EXOC6: variants seen among roughly 807,000 people sequenced by gnomAD.
EXOC6 encodes the protein exocyst complex component 6.
Under a neutral mutation model 112.5 loss-of-function variants are expected in EXOC6, and 60 were observed. The ratio of observed to expected loss-of-function variants is 0.53; its 90% confidence interval spans 0.43 to 0.66. EXOC6 has a LOEUF of 0.66. Ranked by LOEUF, EXOC6 falls within the 30% of genes least tolerant of loss-of-function variation. The probability of loss-of-function intolerance (pLI) is 0.00; values close to 1 mark genes in which losing one functional copy is unlikely to be tolerated. For missense variants in EXOC6, 855 were observed against 957.1 expected, an observed-to-expected ratio of 0.89 and a Z score of 1.41; for synonymous variants, 295 against 308.0, an observed-to-expected ratio of 0.96 and a Z score of 0.44.
At chr10:92,837,982 C>T (rs1349786853) in intron 1 of EXOC6, among the ~76,000 whole-genome samples, 1 of 152,282 alleles carries the variant, frequency 6.6e-6, no homozygotes, top group East Asian at 1.9e-4. Flanking sequence ...TTTCCCTGCC[C>T]ACCTTGTTTT....
intron 20 of EXOC6, among the ~76,000 whole-genome samples, chr10:93,021,289 G>T (rs1206064571): frequency 1.3e-5 from 2 of 151,984 alleles, no homozygotes; most frequent in Non-Finnish European, 2.9e-5. Context: ...AGACCAGTCT[G>T]GGCAACATAG....
At position 92,954,670 on chromosome 10, in the gene EXOC6, C is replaced by G. The variant is rs11187225; in HGVS notation, c.1567C>G (p.Leu523Val). The G allele has an allele frequency of 0.1, 161,252 of 1,602,416 alleles. 9,139 individuals are homozygous for G. The highest frequency in any genetic ancestry group is 0.21 in the Admixed American group (12,535 of 59,252). ...IDDMLRKSTN[L>V]LLTRTLSSCL... ...CGATATGCTTAGAAAATCAACAAATCTGCTGCTGACCAGAACTTTGAGTAG... is the reference window on the plus strand; with the variant it reads ...CGATATGCTTAGAAAATCAACAAATGTGCTGCTGACCAGAACTTTGAGTAG... The change falls in exon 16 of 22, where the codon CTG becomes GTG. Residue 523 changes from leucine (L) to valine (V), a missense_variant. This residue lies in a region of EXOC6 where 450 missense variants were observed against 563.5 expected (regional missense o/e 0.80). Coordinates refer to ENST00000260762, the MANE Select transcript of EXOC6 (RefSeq NM_019053.6).
At chr10:92,896,177 ATATATTTTTTTTTTTTTTTTTTTT>A (rs1349701122) in intron 4 of EXOC6, among the ~76,000 whole-genome samples, 258 of 16,156 alleles carry the variant, frequency 0.016, 22 homozygotes, top group African/African-American at 0.073. Flanking sequence ...ATATATATAT[ATATATTTTTTTTTTTTTTTTTTTT>A]TTTTTTTTTT....
At chr10:92,897,489 A>C (rs566425012) in intron 4 of EXOC6, among the ~76,000 whole-genome samples, 1 of 152,202 alleles carries the variant, frequency 6.6e-6, no homozygotes, top group Non-Finnish European at 1.5e-5. Context: ...TAAGCCAAGA[A>C]AAAAGTCAAG....
intron 13 of EXOC6, among the ~76,000 whole-genome samples, chr10:92,941,941 T>G (rs961901218): frequency 1.3e-5 from 2 of 152,190 alleles, no homozygotes; most frequent in Non-Finnish European, 2.9e-5. Flanking sequence ...AAGTCAATCT[T>G]GAGGTTTTAC....
chr10:92,998,628 C>CCACACACACACACACACA (rs55823754), intron 19 of EXOC6, among the ~76,000 whole-genome samples: 2 of 141,346 alleles, frequency 1.4e-5, no homozygotes, highest in African/African-American at 5.2e-5. Flanking sequence ...CTGTTGCACA[C>CCACACACACACACACACA]CACACACACA....
chr10:93,009,262 A>G (rs1844132620), intron 19 of EXOC6, among the ~76,000 whole-genome samples: 1 of 152,166 alleles, frequency 6.6e-6, no homozygotes, highest in Non-Finnish European at 1.5e-5. Flanking sequence ...TGGATATTAC[A>G]TTTCATTATT....
At chr10:92,868,097 C>T (rs1848266910) in intron 1 of EXOC6, among the ~76,000 whole-genome samples, 1 of 151,838 alleles carries the variant, frequency 6.6e-6, no homozygotes, top group African/African-American at 2.4e-5. Flanking sequence ...TAAAATTTAT[C>T]AGTCTTTCCC....
chr10:92,940,520 C>T (rs1192307501), intron 12 of EXOC6, among the ~76,000 whole-genome samples: 1 of 152,130 alleles, frequency 6.6e-6, no homozygotes, highest in Non-Finnish European at 1.5e-5. Flanking sequence ...AAAAACCATT[C>T]TATTCTCATA....
intron 5 of EXOC6, among the ~76,000 whole-genome samples, chr10:92,904,095 A>G (rs1043995724): frequency 6.6e-5 from 10 of 152,052 alleles, no homozygotes; most frequent in African/African-American, 1.4e-4. Context: ...TCGCTTGGCA[A>G]TATGCATTTA....
intron 5 of EXOC6, among the ~76,000 whole-genome samples, chr10:92,906,381 A>G (rs551928137): frequency 9.2e-5 from 14 of 152,274 alleles, no homozygotes; most frequent in Admixed American, 9.2e-4. Context: ...GAAGTAACCA[A>G]TTCTATGGTA....
chr10:93,001,871 C>G (rs1343682347), intron 19 of EXOC6, among the ~76,000 whole-genome samples: 1 of 152,176 alleles, frequency 6.6e-6, no homozygotes, highest in African/African-American at 2.4e-5. Flanking sequence ...TATTCTTATT[C>G]TTCTTATGTG....
chr10:92,896,107 ATG>A (rs1406850874), intron 4 of EXOC6, among the ~76,000 whole-genome samples: 1 of 79,098 alleles, frequency 1.3e-5, no homozygotes, highest in Non-Finnish European at 2.3e-5. Context: ...GTGTATATAT[ATG>A]TGTATATATA....
intron 1 of EXOC6, chr10:92,834,890 T>C: frequency 1.2e-6 from 1 of 837,870 alleles, no homozygotes; most frequent in Non-Finnish European, 1.9e-6. Context: ...TACCCTGCTT[T>C]TTATAATTCT....
At chr10:92,950,133 T>G (rs1370295521) in intron 14 of EXOC6, among the ~76,000 whole-genome samples, 1 of 152,180 alleles carries the variant, frequency 6.6e-6, no homozygotes, top group Non-Finnish European at 1.5e-5. Context: ...GAAGAACTGT[T>G]AATAGTTAAA....
intron 1 of EXOC6, among the ~76,000 whole-genome samples, chr10:92,890,987 A>G (rs1309395469): frequency 6.6e-6 from 1 of 152,196 alleles, no homozygotes; most frequent in South Asian, 2.1e-4. Flanking sequence ...GGATGGAATC[A>G]GGGAGACCAG....
intron 1 of EXOC6, among the ~76,000 whole-genome samples, chr10:92,828,413 A>G (rs1846419847): frequency 6.6e-6 from 1 of 152,186 alleles, no homozygotes; most frequent in Non-Finnish European, 1.5e-5. Context: ...GGCTCACTGC[A>G]ACCTCGGCCT....
At chr10:93,009,351 A>T (rs1844137901) in intron 19 of EXOC6, among the ~76,000 whole-genome samples, 1 of 152,252 alleles carries the variant, frequency 6.6e-6, no homozygotes, top group Non-Finnish European at 1.5e-5. Context: ...ATACTGGATG[A>T]CATTCCTTAG....
intron 1 of EXOC6, among the ~76,000 whole-genome samples, chr10:92,872,598 C>G (rs1224186501): frequency 1.3e-5 from 2 of 151,888 alleles, no homozygotes; most frequent in Admixed American, 6.6e-5. Context: ...CTTTTATTAA[C>G]TTGTTTCTCT....
Sources: gnomAD v4.1 joint callset for allele counts (sites outside exome capture counted in the v4.1 genomes callset) on GRCh38, gnomAD v4.1.1 for gene constraint, gnomAD v4.1.1 regional missense constraint, MANE v1.5 for transcripts, NCBI Gene and HGNC (gene_info 2026-07-23, HGNC 2026-07-21) for gene names.